Variants in PCM1 observed in about 807,000 individuals in gnomAD.
PCM1 encodes the protein pericentriolar material 1 protein.
A neutral mutation model predicts 241.9 loss-of-function variants in PCM1; 157 were observed. That is an observed-to-expected ratio of 0.65 (90% confidence interval 0.57 to 0.74). The LOEUF (loss-of-function observed/expected upper bound fraction) is 0.74. Ranked by LOEUF, PCM1 falls within the 30% of genes least tolerant of loss-of-function variation. The pLI is 0.00. For synonymous variants in PCM1, 1,085 were observed against 784.9 expected (o/e 1.38, Z -6.39); for missense variants, 3,478 against 2,360.1 (o/e 1.47, Z -9.81).
intron 6 of PCM1, among the ~76,000 whole-genome samples, chr8:17,942,266 G>T (rs1019238257): frequency 6.6e-6 from 1 of 151,872 alleles, no homozygotes; most frequent in African/African-American, 2.4e-5. Context: ...CAGGGGTTTG[G>T]GACCATCCTG....
chr8:17,940,651 A>G (rs545031390), intron 6 of PCM1, among the ~76,000 whole-genome samples: 8 of 152,312 alleles, frequency 5.3e-5, no homozygotes, highest in African/African-American at 1.9e-4. Flanking sequence ...CGAGAGAAAG[A>G]CTAGTAAATG....
chr8:17,947,189 A>G lies in PCM1; in HGVS notation c.787A>G (p.Arg263Gly). 6.3e-7 allele frequency: 1 copy of G among 1,587,118 alleles called. No homozygotes were observed. ...YMKFLKKILA[R>G]DPQQEPMEEI... ...TATTGTTGGTCTTATTTTCCAGGCC[A>G]GAGATCCTCAGCAGGAGCCTATGGA... is the stretch of plus-strand genomic sequence containing the variant. Residue 263 changes from arginine (R) to glycine (G), a missense_variant, in exon 7 of 39, where the codon AGA (arginine) becomes GGA (glycine). By Grantham distance (125) the Arg-to-Gly change is moderately radical. Transcript: ENST00000325083.
intron 36 of PCM1, among the ~76,000 whole-genome samples, chr8:18,018,093 A>G (rs946574623): frequency 6.6e-6 from 1 of 152,224 alleles, no homozygotes; most frequent in Non-Finnish European, 1.5e-5. Flanking sequence ...GTTTCCAATC[A>G]AGTTCAGAGA....
chr8:17,980,851 G>A (rs1038636058), intron 24 of PCM1, 96 bp downstream of exon 24: 19 of 833,752 alleles, frequency 2.3e-5, no homozygotes, highest in Non-Finnish European at 3.1e-5. Context: ...TGTTTCACAC[G>A]TATCTATCAT....
At chr8:17,927,251 C>T (rs2129445664) in intron 2 of PCM1, 1 of 151,774 alleles carries the variant, frequency 6.6e-6, no homozygotes, top group East Asian at 1.9e-4. Context: ...CTTACTCAGC[C>T]TACCAAACAG....
chr8:17,955,813 T>C, intron 10 of PCM1, 160 bp downstream of exon 10: 3 of 636,220 alleles, frequency 4.7e-6, no homozygotes, highest in Non-Finnish European at 8.3e-6. Flanking sequence ...TGTGTGGGCA[T>C]AATTTGAGTT....
In PCM1 at chr8:17,969,720, A is replaced by G. The variant is rs2076212197; in HGVS notation, c.3556A>G (p.Ser1186Gly). 7 of 1,606,192 alleles carry G rather than the reference A, an allele frequency of 4.4e-6. No individual in the cohort carries two copies. Among genetic ancestry groups the G allele is most frequent in the Non-Finnish European group, 5.9e-6 (7 of 1,177,552 alleles). Residue 1186 changes from serine (S) to glycine (G), a missense_variant, in exon 22 of 39, where the codon AGT (serine) becomes GGT (glycine). Physicochemically the swap from Ser to Gly is moderately conservative, Grantham distance 56. Transcript: ENST00000325083. ...YMAFPKPFES[S>G]SSIGAEKPRN... ...GGCTTTTCCAAAACCTTTTGAAAGC[A>G]GTTCCTCTATTGGAGCAGAGAAACC...
chr8:17,955,289 T>C (rs1159613368), intron 9 of PCM1, among the ~76,000 whole-genome samples, 181 bp from the exon 10 acceptor site: 1 of 152,222 alleles, frequency 6.6e-6, no homozygotes, highest in East Asian at 1.9e-4. Context: ...AAACAAGTCT[T>C]TGTACATTTT....
chr8:18,025,489 T>TAAC, intron 37 of PCM1, 36 bp downstream of exon 37: 1 of 1,517,110 alleles, frequency 6.6e-7, no homozygotes. Context: ...TGTCTTTACA[T>TAAC]AACAAATACT....
intron 13 of PCM1, among the ~76,000 whole-genome samples, chr8:17,959,005 A>G (rs866364747): frequency 3.9e-5 from 6 of 152,192 alleles, no homozygotes; most frequent in Admixed American, 6.5e-5. Flanking sequence ...TGCAGGCACA[A>G]AAAGTACATA....
chr8:18,002,523 C>T (rs1588246530), intron 29 of PCM1, among the ~76,000 whole-genome samples: 1 of 6,308 alleles, frequency 1.6e-4, no homozygotes, highest in African/African-American at 1.4e-3. Flanking sequence ...TGAATAGTGC[C>T]GCAATAAACA....
At chr8:17,980,521 A>T in intron 23 of PCM1, 70 bp from the exon 24 acceptor site, 1 of 1,331,774 alleles carries the variant, frequency 7.5e-7, no homozygotes, top group Non-Finnish European at 1.0e-6. Context: ...CTGTTACACA[A>T]TGGAAACCGA....
chr8:18,014,015 G>A lies in PCM1; in HGVS notation c.5563G>A (p.Glu1855Lys), dbSNP rs767140701. ...AGCAGAAAGCAAAAATGTCCCATTG[G>A]AACGAGAAGCCACTAGTAAAAGTAA... is the stretch of plus-strand genomic sequence containing the variant. ...KTAESKNVPL[E>K]REATSKNDQN... Residue 1855 changes from glutamate (E) to lysine (K), a missense_variant, in exon 35 of 39, where the codon GAA (glutamate) becomes AAA (lysine). Coordinates refer to ENST00000325083, the MANE Select transcript of PCM1 (RefSeq NM_006197.4). 2.2e-5 allele frequency: 35 copies of A among 1,596,700 alleles called. No homozygotes were observed. Among genetic ancestry groups the A allele is most frequent in the Non-Finnish European group, 2.9e-5 (34 of 1,170,676 alleles).
chr8:17,949,089 A>T (rs1252574603), intron 7 of PCM1, among the ~76,000 whole-genome samples: 3 of 152,146 alleles, frequency 2.0e-5, no homozygotes, highest in Non-Finnish European at 2.9e-5. Flanking sequence ...ATTTCTTTTT[A>T]AAAAATACTA....
chr8:17,940,128 A>G, intron 6 of PCM1: 1 of 1,561,356 alleles, frequency 6.4e-7, no homozygotes, highest in Non-Finnish European at 8.6e-7. Flanking sequence ...CGCTAAACAT[A>G]GATGTGCAGT....
At chr8:17,992,078 A>G (rs185723571) in intron 28 of PCM1, among the ~76,000 whole-genome samples, 2 of 152,314 alleles carry the variant, frequency 1.3e-5, no homozygotes, top group East Asian at 3.9e-4. Context: ...GTATAAATAA[A>G]TAAACAAATA....
chr8:17,952,690 C>A (rs929170375), intron 8 of PCM1, among the ~76,000 whole-genome samples: 1 of 152,040 alleles, frequency 6.6e-6, no homozygotes, highest in Non-Finnish European at 1.5e-5. Context: ...AGATACTACA[C>A]CATTTTATAT....
At position 18,018,873 on chromosome 8, in the gene PCM1, TATATATAC is replaced by T. The variant is rs1564427740; in HGVS notation, c.5841+4035_5841+4042del. On this transcript the variant is annotated intron_variant, in intron 36 of 38. Transcript: ENST00000325083. The stretch of plus-strand genomic sequence containing the variant: ...GTGTGTATATATATATATATATATA[TATATATAC>T]ACACACATATACATACACATATATA... 2.3e-4 allele frequency among the ~76,000 whole-genome samples: 27 copies of T among 116,602 alleles called. 1 individual carries two copies. The highest frequency in any genetic ancestry group is 5.1e-4 in the African/African-American group (14 of 27,520). 76.5% of individuals were successfully genotyped at this position (116,602 alleles called of 152,430 possible).
chr8:18,027,563 T>C, intron 38 of PCM1, 74 bp from the exon 39 acceptor site: 4 of 1,056,020 alleles, frequency 3.8e-6, no homozygotes, highest in Non-Finnish European at 5.6e-6. Flanking sequence ...GTAAAAGCTT[T>C]AATGACAGAG....
Sources: allele counts gnomAD v4.1 joint callset (sites outside exome capture counted in the v4.1 genomes callset), GRCh38; gene constraint gnomAD v4.1.1; transcripts MANE v1.5; gene names NCBI Gene and HGNC (gene_info 2026-07-23, HGNC 2026-07-21).